PTPRD: variants seen among roughly 807,000 people sequenced by gnomAD.
PTPRD encodes the protein protein tyrosine phosphatase receptor type D, also known as receptor-type tyrosine-protein phosphatase delta.
PTPRD carries 34 observed loss-of-function variants against 214.5 expected under a neutral mutation model. The ratio of observed to expected loss-of-function variants is 0.16; its 90% CI spans 0.12 to 0.21. PTPRD has a LOEUF of 0.21. Ranked by LOEUF, PTPRD falls within the 10% of genes least tolerant of loss-of-function variation. The pLI, the probability that PTPRD is intolerant of heterozygous loss-of-function variation, is 1.00. For missense variants in PTPRD, 2,545 were observed against 2,398.7 expected, an observed-to-expected ratio of 1.06 and a Z score of -1.27; for synonymous variants, 1,128 against 845.7, an observed-to-expected ratio of 1.33 and a Z score of -5.79.
intron 5 of PTPRD, among the ~76,000 whole-genome samples, chr9:9,808,603 A>G (rs1485978674): frequency 3.9e-5 from 6 of 152,084 alleles, no homozygotes. Context: ...TTTGCCCCTC[A>G]TTTTCCTTTA....
intron 8 of PTPRD, among the ~76,000 whole-genome samples, chr9:9,495,862 T>C (rs1347486342): frequency 2.6e-5 from 4 of 152,190 alleles, no homozygotes; most frequent in African/African-American, 9.7e-5. Context: ...CCAACTGAGC[T>C]GCTAAGATGC....
chr9:8,679,266 T>G (rs2097502234), intron 12 of PTPRD, among the ~76,000 whole-genome samples: 1 of 152,182 alleles, frequency 6.6e-6, no homozygotes, highest in Non-Finnish European at 1.5e-5. Flanking sequence ...TTTCAGCAAA[T>G]CACATCCTCT....
intron 20 of PTPRD, 94 bp downstream of exon 20, chr9:8,521,183 A>G (rs1291698983): frequency 7.3e-7 from 1 of 1,377,962 alleles, no homozygotes; most frequent in Non-Finnish European, 9.8e-7. Flanking sequence ...TGAATAATGA[A>G]TTATTTTAGA....
At chr9:10,287,505 T>C (rs1400494397) in intron 3 of PTPRD, among the ~76,000 whole-genome samples, 1 of 152,128 alleles carries the variant, frequency 6.6e-6, no homozygotes, top group African/African-American at 2.4e-5. Flanking sequence ...GAAAAGTATC[T>C]ACATAATGAT....
chr9:10,307,941 G>C (rs2154414757), intron 3 of PTPRD, among the ~76,000 whole-genome samples: 1 of 151,776 alleles, frequency 6.6e-6, no homozygotes, highest in African/African-American at 2.4e-5. Context: ...TGAATTGTTT[G>C]AGTTCCTTGT....
intron 3 of PTPRD, among the ~76,000 whole-genome samples, chr9:10,283,364 T>C (rs1315905985): frequency 6.6e-6 from 1 of 152,170 alleles, no homozygotes; most frequent in Non-Finnish European, 1.5e-5. Flanking sequence ...GTGAAGTCCA[T>C]AAAGGCAAAG....
intron 5 of PTPRD, among the ~76,000 whole-genome samples, chr9:9,801,986 G>A (rs1318774060): frequency 6.6e-6 from 1 of 152,030 alleles, no homozygotes; most frequent in African/African-American, 2.4e-5. Context: ...CAAAATTCAA[G>A]GATATATGGC....
chr9:8,367,435 G>A (rs2080228634), intron 39 of PTPRD, among the ~76,000 whole-genome samples: 1 of 152,076 alleles, frequency 6.6e-6, no homozygotes, highest in South Asian at 2.1e-4. Context: ...CAAAGCCCAA[G>A]GACGCTGCTA....
At chr9:9,238,534 G>A (rs1005468188) in intron 9 of PTPRD, among the ~76,000 whole-genome samples, 6 of 152,024 alleles carry the variant, frequency 3.9e-5, no homozygotes, top group Admixed American at 3.9e-4. Flanking sequence ...CATTGGTTAA[G>A]TTAGCTAAAG....
intron 3 of PTPRD, among the ~76,000 whole-genome samples, chr9:10,085,279 G>A (rs2098315240): frequency 6.6e-6 from 1 of 151,786 alleles, no homozygotes; most frequent in Admixed American, 6.6e-5. Flanking sequence ...AACTACATCA[G>A]TGGGGCCAAG....
At chr9:9,069,131 C>T (rs1052267790) in intron 10 of PTPRD, among the ~76,000 whole-genome samples, 3 of 152,156 alleles carry the variant, frequency 2.0e-5, no homozygotes, top group African/African-American at 7.2e-5. Context: ...TATTGCTATA[C>T]TTAAAGGTTT....
intron 4 of PTPRD, among the ~76,000 whole-genome samples, chr9:10,000,093 G>A (rs570645544): frequency 4.6e-5 from 7 of 152,138 alleles, no homozygotes; most frequent in Non-Finnish European, 1.0e-4. Flanking sequence ...CATACTGCAA[G>A]TTATAAAAAT....
intron 14 of PTPRD, among the ~76,000 whole-genome samples, chr9:8,549,077 G>C (rs765570968): frequency 2.0e-5 from 3 of 152,068 alleles, no homozygotes. Context: ...GCAGTGAAGG[G>C]GGACAAAGAG....
chr9:10,411,499 T>C (rs1047685241), intron 2 of PTPRD, among the ~76,000 whole-genome samples: 2 of 151,820 alleles, frequency 1.3e-5, no homozygotes, highest in African/African-American at 4.8e-5. Context: ...ATGCCCAGAA[T>C]GGTGATATTC....
At chr9:8,477,610 C>T (rs994252658) in intron 30 of PTPRD, among the ~76,000 whole-genome samples, 3 of 152,066 alleles carry the variant, frequency 2.0e-5, no homozygotes, top group East Asian at 1.9e-4. Flanking sequence ...TCATTCCTTG[C>T]GTAAGCCTCC....
chr9:8,329,226 C>T (rs779179308), intron 44 of PTPRD, among the ~76,000 whole-genome samples: 1 of 152,094 alleles, frequency 6.6e-6, no homozygotes, highest in East Asian at 1.9e-4. Context: ...GGTGGACGTG[C>T]TATTCCTTTC....
At chr9:8,804,604 A>C (rs1174341770) in intron 11 of PTPRD, among the ~76,000 whole-genome samples, 1 of 151,980 alleles carries the variant, frequency 6.6e-6, no homozygotes, top group Non-Finnish European at 1.5e-5. Context: ...TCTCCAAAAA[A>C]CAAACACACC....
At chr9:9,068,749 T>C (rs1348671053) in intron 10 of PTPRD, among the ~76,000 whole-genome samples, 2 of 152,044 alleles carry the variant, frequency 1.3e-5, no homozygotes, top group Non-Finnish European at 1.5e-5. Context: ...GTAGCTGGGA[T>C]TACAGGCGCG....
intron 14 of PTPRD, among the ~76,000 whole-genome samples, chr9:8,555,647 A>C (rs1358873138): frequency 6.6e-6 from 1 of 152,184 alleles, no homozygotes; most frequent in Non-Finnish European, 1.5e-5. Flanking sequence ...ATCTCTCCAA[A>C]ATGGGATCTG....
Sources: gnomAD v4.1 joint callset for allele counts (sites outside exome capture counted in the v4.1 genomes callset) on GRCh38, gnomAD v4.1.1 for gene constraint, MANE v1.5 for transcripts, NCBI Gene and HGNC (gene_info 2026-07-23, HGNC 2026-07-21) for gene names.